Variants in RALGAPA1 observed in about 807,000 individuals in gnomAD.
RALGAPA1 encodes ral GTPase-activating protein subunit alpha-1.
Under a neutral mutation model 269.6 loss-of-function variants are expected in RALGAPA1, and 52 were observed. That is an observed-to-expected ratio of 0.19 (90% confidence interval 0.15 to 0.24). The LOEUF (loss-of-function observed/expected upper bound fraction) is 0.24, where lower values mean the gene tolerates loss of function less well. RALGAPA1 is among the 10% of genes least tolerant of loss of function. The probability of loss-of-function intolerance (pLI) is 1.00; values close to 1 mark genes in which losing one functional copy is unlikely to be tolerated. For synonymous variants in RALGAPA1, 817 were observed against 1,008.3 expected (o/e 0.81, Z 3.60); for missense variants, 1,917 against 3,013.9 (o/e 0.64, Z 8.52).
At chr14:35,570,183 T>G (rs977470345) in intron 39 of RALGAPA1, among the ~76,000 whole-genome samples, 26 of 151,854 alleles carry the variant, frequency 1.7e-4, no homozygotes, top group African/African-American at 6.3e-4. Context: ...GGCAGAAGAA[T>G]TGCTTGAACC....
intron 1 of RALGAPA1, among the ~76,000 whole-genome samples, chr14:35,785,346 C>T (rs1375547558): frequency 6.6e-6 from 1 of 152,188 alleles, no homozygotes; most frequent in Non-Finnish European, 1.5e-5. Context: ...CTGATCTGAT[C>T]TCTATCTGAT....
chr14:35,660,268 G>C (rs531410162), intron 27 of RALGAPA1, among the ~76,000 whole-genome samples: 1 of 152,094 alleles, frequency 6.6e-6, no homozygotes, highest in East Asian at 1.9e-4. Context: ...AAACCCTACA[G>C]ACTCCACCAA....
chr14:35,747,717 T>TC (rs1425279356), intron 10 of RALGAPA1, among the ~76,000 whole-genome samples: 1 of 152,086 alleles, frequency 6.6e-6, no homozygotes, highest in Non-Finnish European at 1.5e-5. Context: ...ACCTGAATGA[T>TC]CCCCCTCAGC....
At chr14:35,654,894 G>A (rs1251488714) in intron 29 of RALGAPA1, among the ~76,000 whole-genome samples, 1 of 152,048 alleles carries the variant, frequency 6.6e-6, no homozygotes. Flanking sequence ...AACTTTTCAT[G>A]CTTCTCTACG....
At chr14:35,616,539 C>G (rs1594827323) in intron 35 of RALGAPA1, among the ~76,000 whole-genome samples, 1 of 152,228 alleles carries the variant, frequency 6.6e-6, no homozygotes, top group East Asian at 1.9e-4. Context: ...ACACATTTAT[C>G]AAAACCAATA....
At position 35,688,760 on chromosome 14, in the gene RALGAPA1, T is replaced by C. The variant is rs542725099; in HGVS notation, c.3651A>G (p.Thr1217=). The C allele has an allele frequency of 1.4e-6, 2 of 1,456,664 alleles. No individual in the cohort carries two copies. The highest frequency in any genetic ancestry group is 1.4e-5 in the South Asian group (1 of 69,558). The allele number at this position is 1,456,664 out of a possible 1,614,324, so 90.2% of individuals were successfully genotyped here. A position where few individuals can be genotyped will look rare whatever the true frequency, so the allele number is the denominator to read the frequency against. The stretch of plus-strand genomic sequence containing the variant: ...TGCTGCTTACTGATGCAGTACCAAG[T>C]GTATCTAGAGGTCTGTACACACCAG... The part of the protein sequence containing the change: ...VKPGVYRPLD[T]LGTASVSSKT... Residue 1217 remains threonine, a synonymous_variant, in exon 18 of 42, where the codon ACA becomes ACG. Coordinates refer to ENST00000680220, the MANE Select transcript of RALGAPA1 (RefSeq NM_001346249.2).
chr14:35,747,969 C>A (rs2072282579), intron 10 of RALGAPA1, among the ~76,000 whole-genome samples: 1 of 151,526 alleles, frequency 6.6e-6, no homozygotes, highest in Non-Finnish European at 1.5e-5. Flanking sequence ...CCTTAGAGGA[C>A]AAAACTAAGC....
chr14:35,687,827 A>T (rs2066089922), intron 18 of RALGAPA1, among the ~76,000 whole-genome samples: 2 of 152,226 alleles, frequency 1.3e-5, no homozygotes, highest in Non-Finnish European at 2.9e-5. Flanking sequence ...TGCATTCTAT[A>T]TAAATGAATG....
chr14:35,796,065 C>T (rs2076543200), intron 1 of RALGAPA1, among the ~76,000 whole-genome samples: 1 of 151,698 alleles, frequency 6.6e-6, no homozygotes, highest in Admixed American at 6.6e-5. Context: ...GGAAAACAAC[C>T]CAGGATAAGA....
chr14:35,729,964 T>G (rs1241523205), intron 12 of RALGAPA1, among the ~76,000 whole-genome samples: 1 of 146,244 alleles, frequency 6.8e-6, no homozygotes, highest in Non-Finnish European at 1.5e-5. Context: ...CCAGAACAAC[T>G]GCAAGAACAA....
chr14:35,620,685 T>A (rs527314312), intron 35 of RALGAPA1, among the ~76,000 whole-genome samples: 16 of 152,300 alleles, frequency 1.1e-4, no homozygotes, highest in Admixed American at 5.9e-4. Flanking sequence ...AAAATCAATG[T>A]GCAAAAATCA....
chr14:35,667,143 G>A (rs749381389), intron 26 of RALGAPA1, among the ~76,000 whole-genome samples: 3 of 152,030 alleles, frequency 2.0e-5, no homozygotes, highest in African/African-American at 4.8e-5. Context: ...GGCTCATGCC[G>A]GTAATTCCAG....
intron 8 of RALGAPA1, 25 bp downstream of exon 8, chr14:35,751,999 T>C: frequency 6.4e-7 from 1 of 1,562,642 alleles, no homozygotes; most frequent in South Asian, 1.2e-5. Context: ...GTGTGATCTT[T>C]CAGAAAATTT....
chr14:35,786,895 T>C (rs1481499064), intron 1 of RALGAPA1, among the ~76,000 whole-genome samples: 1 of 152,178 alleles, frequency 6.6e-6, no homozygotes, highest in East Asian at 1.9e-4. Context: ...ATAAAAAGGT[T>C]TGTGGGACGT....
chr14:35,621,523 T>A (rs1443981169), intron 35 of RALGAPA1, among the ~76,000 whole-genome samples: 1 of 152,128 alleles, frequency 6.6e-6, no homozygotes, highest in Non-Finnish European at 1.5e-5. Context: ...GGGATCTGAT[T>A]AAACTAAAGA....
intron 19 of RALGAPA1, among the ~76,000 whole-genome samples, chr14:35,686,176 T>A (rs1461963115): frequency 2.0e-5 from 3 of 151,256 alleles, no homozygotes; most frequent in Non-Finnish European, 4.4e-5. Context: ...CTACGGGAGC[T>A]GGGGCAGAAG....
At chr14:35,696,093 A>C (rs1245770092) in intron 17 of RALGAPA1, among the ~76,000 whole-genome samples, 1 of 152,174 alleles carries the variant, frequency 6.6e-6, no homozygotes, top group Non-Finnish European at 1.5e-5. Flanking sequence ...CCCAGAGCTT[A>C]AGAAAAACTC....
At chr14:35,778,793 CT>C (rs1445442440) in intron 1 of RALGAPA1, among the ~76,000 whole-genome samples, 1 of 152,198 alleles carries the variant, frequency 6.6e-6, no homozygotes, top group African/African-American at 2.4e-5. Flanking sequence ...ACCTATGTGA[CT>C]TTTCACAGAA....
At chr14:35,617,003 C>T (rs1182155739) in intron 35 of RALGAPA1, among the ~76,000 whole-genome samples, 4 of 152,018 alleles carry the variant, frequency 2.6e-5, no homozygotes, top group Non-Finnish European at 5.9e-5. Flanking sequence ...ATAAGAATAG[C>T]TAAACAATAA....
Sources: gnomAD v4.1 joint callset for allele counts (sites outside exome capture counted in the v4.1 genomes callset) on GRCh38, gnomAD v4.1.1 for gene constraint, MANE v1.5 for transcripts, NCBI Gene and HGNC (gene_info 2026-07-23, HGNC 2026-07-21) for gene names.